The following C6 variants were observed in gnomAD, a reference collection of about 807,000 sequenced individuals.
C6 encodes complement component C6.
C6 carries 101 observed loss-of-function variants against 112.9 expected under a neutral mutation model. The observed-to-expected ratio is 0.89, with a 90% CI of 0.76 to 1.06. C6 has a LOEUF of 1.06. Ranked by LOEUF, C6 falls within the 50% of genes least tolerant of loss-of-function variation. The pLI, the probability that C6 is intolerant of heterozygous loss-of-function variation, is 0.00. For synonymous variants in C6, 431 were observed against 384.1 expected (o/e 1.12, Z -1.43); for missense variants, 1,202 against 1,104.6 (o/e 1.09, Z -1.25).
intron 6 of C6, among the ~76,000 whole-genome samples, chr5:41,184,361 C>A (rs527804046): frequency 6.6e-6 from 1 of 152,106 alleles, no homozygotes; most frequent in African/African-American, 2.4e-5. Context: ...TAACATAGGC[C>A]GCCTCCGACT....
chr5:41,146,990 T>C (rs1181765007), intron 17 of C6, among the ~76,000 whole-genome samples: 1 of 151,976 alleles, frequency 6.6e-6, no homozygotes, highest in African/African-American at 2.4e-5. Flanking sequence ...TAAGGAAGAA[T>C]GGAAGGTAAC....
chr5:41,186,330 A>C (rs914281878), intron 5 of C6, 122 bp from the exon 6 acceptor site: 1 of 1,064,002 alleles, frequency 9.4e-7, no homozygotes, highest in South Asian at 1.4e-5. Context: ...GACTTGAAGG[A>C]ATCCCCCACA....
chr5:41,153,474 C>T (rs988582899), intron 15 of C6, among the ~76,000 whole-genome samples: 1 of 152,152 alleles, frequency 6.6e-6, no homozygotes, highest in African/African-American at 2.4e-5. Context: ...GATCAGGAGT[C>T]TAGTGAAACC....
upstream of C6, among the ~76,000 whole-genome samples, chr5:41,216,310 T>A (rs1177553833): frequency 6.6e-6 from 1 of 152,144 alleles, no homozygotes; most frequent in African/African-American, 2.4e-5. Flanking sequence ...CTGAATGACC[T>A]CTTCTAAATC....
intron 1 of C6, among the ~76,000 whole-genome samples, chr5:41,210,183 G>A (rs563465283): frequency 1.1e-4 from 16 of 152,138 alleles, no homozygotes; most frequent in Admixed American, 7.2e-4. Flanking sequence ...GCTGAAACTG[G>A]ATCCCTTCCT....
At chr5:41,245,364 T>C (rs772966169) in intron 1 of C6, among the ~76,000 whole-genome samples, 9 of 152,086 alleles carry the variant, frequency 5.9e-5, no homozygotes, top group Non-Finnish European at 1.3e-4. Flanking sequence ...ACCCCATCTC[T>C]ATGAAAAATT....
At chr5:41,147,841 G>C (rs1561088374) in intron 17 of C6, among the ~76,000 whole-genome samples, 1 of 152,116 alleles carries the variant, frequency 6.6e-6, no homozygotes, top group Non-Finnish European at 1.5e-5. Flanking sequence ...TGAAGTCCCT[G>C]CCTCGAAATA....
intron 3 of C6, 152 bp from the exon 4 acceptor site, chr5:41,200,064 G>T (rs1580174124): frequency 1.3e-6 from 1 of 747,624 alleles, no homozygotes; most frequent in Non-Finnish European, 2.3e-6. Flanking sequence ...CCATTATTAT[G>T]CTCCCTTAGG....
At chr5:41,231,830 T>C (rs557845301) in intron 1 of C6, among the ~76,000 whole-genome samples, 30 of 152,150 alleles carry the variant, frequency 2.0e-4, no homozygotes, top group African/African-American at 6.0e-4. Context: ...AAAAATCACA[T>C]GTTCCTAATT....
At chr5:41,228,991 T>A (rs1470784268) in intron 1 of C6, among the ~76,000 whole-genome samples, 4 of 152,136 alleles carry the variant, frequency 2.6e-5, no homozygotes, top group Non-Finnish European at 4.4e-5. Context: ...TCAGGGAGAA[T>A]TCCTAGCTAT....
chr5:41,161,760 A>G lies in C6; in HGVS notation c.1391T>C (p.Leu464Pro), dbSNP rs1445807457. 6.2e-7 allele frequency: 1 copy of G among 1,613,674 alleles called. No individual in the cohort carries two copies. Among genetic ancestry groups the G allele is most frequent in the Non-Finnish European group, 8.5e-7 (1 of 1,179,678 alleles). Residue 464 changes from leucine (L) to proline (P), a missense_variant, in exon 10 of 18, where the codon CTG becomes CCG. Physicochemically the swap from Leu to Pro is moderately conservative, Grantham distance 98. Coordinates refer to ENST00000337836, the MANE Select transcript of C6 (RefSeq NM_000065.5). Reference protein sequence around the residue: ...ALAWEKGSSGLEEKTFSEWLE... With the variant: ...ALAWEKGSSGPEEKTFSEWLE... The stretch of plus-strand genomic sequence containing the variant: ...CCACTCAGAAAATGTCTTCTCCTCC[A>G]GACCAGAGCTCCCTTTCTCCCATGC...
intron 17 of C6, among the ~76,000 whole-genome samples, chr5:41,148,059 A>C (rs1746008254): frequency 6.6e-6 from 1 of 152,172 alleles, no homozygotes. Context: ...TGTATCAATA[A>C]AAAAAATTTA....
intron 1 of C6, among the ~76,000 whole-genome samples, chr5:41,254,218 G>A (rs1481062850): frequency 2.6e-5 from 4 of 152,164 alleles, no homozygotes; most frequent in East Asian, 1.9e-4. Context: ...TGGCTAACAC[G>A]GTGAAACCCC....
intron 1 of C6, among the ~76,000 whole-genome samples, chr5:41,227,155 G>T (rs1234962451): frequency 6.6e-6 from 1 of 152,112 alleles, no homozygotes; most frequent in Non-Finnish European, 1.5e-5. Flanking sequence ...CAATTTAACA[G>T]GTGTGTGGTG....
chr5:41,180,368 G>A (rs1031495060), intron 7 of C6, among the ~76,000 whole-genome samples: 3 of 152,102 alleles, frequency 2.0e-5, no homozygotes, highest in African/African-American at 7.2e-5. Flanking sequence ...GTGAGCAATA[G>A]ACAGTATTTT....
chr5:41,214,117 T>C (rs542819888), upstream of C6, among the ~76,000 whole-genome samples: 37 of 152,140 alleles, frequency 2.4e-4, no homozygotes, highest in South Asian at 6.4e-3. Flanking sequence ...CAGAACAAAA[T>C]AGTGCAATAG....
At chr5:41,218,776 C>T (rs938873553) in intron 1 of C6, among the ~76,000 whole-genome samples, 33 of 152,000 alleles carry the variant, frequency 2.2e-4, no homozygotes, top group Admixed American at 1.3e-3. Context: ...GCTTAAGCCG[C>T]ATGCAGGGAG....
chr5:41,177,684 A>T (rs1248436375), intron 7 of C6, among the ~76,000 whole-genome samples: 1 of 152,190 alleles, frequency 6.6e-6, no homozygotes, highest in African/African-American at 2.4e-5. Context: ...AATCCCAAGG[A>T]TTGAAAAAGA....
At chr5:41,211,269 G>A (rs184592608) in intron 1 of C6, among the ~76,000 whole-genome samples, 9 of 151,862 alleles carry the variant, frequency 5.9e-5, no homozygotes, top group African/African-American at 1.7e-4. Context: ...CATAGCATTA[G>A]GACATATACC....
Sources: gnomAD v4.1 joint callset for allele counts (sites outside exome capture counted in the v4.1 genomes callset) on GRCh38, gnomAD v4.1.1 for gene constraint, MANE v1.5 for transcripts, NCBI Gene and HGNC (gene_info 2026-07-23, HGNC 2026-07-21) for gene names.